Variants in CPA6 observed in about 807,000 individuals in gnomAD.
The protein encoded by CPA6 is carboxypeptidase B.
CPA6 carries 58 observed loss-of-function variants against 63.3 expected under a neutral mutation model. The observed-to-expected ratio is 0.92, with a 90% CI of 0.74 to 1.14. The LOEUF (loss-of-function observed/expected upper bound fraction) is 1.14. Ranked by LOEUF, CPA6 falls within the 50% of genes most tolerant of loss-of-function variation. The probability of loss-of-function intolerance (pLI) is 0.00; values close to 1 mark genes in which losing one functional copy is unlikely to be tolerated. For synonymous variants in CPA6, 185 were observed against 179.0 expected, an observed-to-expected ratio of 1.03 and a Z score of -0.27; for missense variants, 565 against 526.6, an observed-to-expected ratio of 1.07 and a Z score of -0.71.
chr8:67,583,037 G>A (rs187131085), intron 2 of CPA6, among the ~76,000 whole-genome samples: 135 of 152,188 alleles, frequency 8.9e-4, no homozygotes, highest in African/African-American at 3.0e-3. Context: ...TTGATATCTG[G>A]GTGGCTTTAT....
intron 8 of CPA6, among the ~76,000 whole-genome samples, chr8:67,445,862 A>G (rs1438157139): frequency 6.6e-6 from 1 of 152,278 alleles, no homozygotes; most frequent in African/African-American, 2.4e-5. Flanking sequence ...AATTCAAAAA[A>G]TACATGGAAA....
intron 1 of CPA6, among the ~76,000 whole-genome samples, chr8:67,741,435 T>C (rs1817910645): frequency 6.6e-6 from 1 of 151,970 alleles, no homozygotes; most frequent in Non-Finnish European, 1.5e-5. Context: ...ACAGCAGGGG[T>C]CCCAAAACTC....
chr8:67,678,374 A>C lies in CPA6; in HGVS notation c.117-54123T>G, dbSNP rs189052575. On this transcript the variant is annotated intron_variant, in intron 1 of 10. Transcript: ENST00000297770. ...TACAAATTATAATTACAATTATATAACATATATCCAACGAGGCCTGATATC... is the reference window on the plus strand; with the variant it reads ...TACAAATTATAATTACAATTATATACCATATATCCAACGAGGCCTGATATC... Among the ~76,000 whole-genome samples, 312 of 152,320 alleles carry C rather than the reference A, an allele frequency of 2.0e-3. 1 individual carries two copies. Among genetic ancestry groups the C allele is most frequent in the African/African-American group, 7.3e-3 (303 of 41,580 alleles).
intron 2 of CPA6, among the ~76,000 whole-genome samples, chr8:67,608,050 G>A (rs1056144261): frequency 8.5e-5 from 13 of 152,120 alleles, no homozygotes; most frequent in African/African-American, 3.1e-4. Flanking sequence ...TGTTTTTACT[G>A]TTATCCAGGC....
intron 8 of CPA6, among the ~76,000 whole-genome samples, chr8:67,451,969 T>C (rs549033594): frequency 6.6e-6 from 1 of 152,330 alleles, no homozygotes; most frequent in African/African-American, 2.4e-5. Context: ...TTTGTGTACA[T>C]AGGTACAAAT....
chr8:67,542,987 TTTAG>T (rs2128971212), intron 2 of CPA6, among the ~76,000 whole-genome samples: 1 of 152,334 alleles, frequency 6.6e-6, no homozygotes, highest in East Asian at 1.9e-4. Flanking sequence ...ATATTAATTA[TTTAG>T]TATTTGTAGT....
At chr8:67,682,973 T>A (rs151010859) in intron 1 of CPA6, among the ~76,000 whole-genome samples, 2 of 152,358 alleles carry the variant, frequency 1.3e-5, no homozygotes, top group African/African-American at 4.8e-5. Flanking sequence ...CCCCTGCAGA[T>A]CTGCAGAATA....
intron 1 of CPA6, among the ~76,000 whole-genome samples, chr8:67,675,883 C>T (rs907283659): frequency 6.6e-6 from 1 of 152,212 alleles, no homozygotes; most frequent in Non-Finnish European, 1.5e-5. Flanking sequence ...TTGCCCAGCA[C>T]AGGCTGGAGT....
At chr8:67,650,338 T>G (rs1815807607) in intron 1 of CPA6, among the ~76,000 whole-genome samples, 1 of 152,070 alleles carries the variant, frequency 6.6e-6, no homozygotes, top group Non-Finnish European at 1.5e-5. Context: ...CAGCAGTAGG[T>G]CAGCGGGGTT....
intron 2 of CPA6, among the ~76,000 whole-genome samples, chr8:67,528,957 G>C (rs1453010273): frequency 6.6e-6 from 1 of 150,920 alleles, no homozygotes; most frequent in Non-Finnish European, 1.5e-5. Flanking sequence ...AAGGATTATT[G>C]CAAGAGTGGA....
chr8:67,689,940 G>C (rs1816782602), intron 1 of CPA6, among the ~76,000 whole-genome samples: 1 of 152,060 alleles, frequency 6.6e-6, no homozygotes, highest in South Asian at 2.1e-4. Context: ...AACATCTGTT[G>C]GTTTTTCACT....
chr8:67,696,673 A>T (rs987792060), intron 1 of CPA6, among the ~76,000 whole-genome samples: 1 of 152,162 alleles, frequency 6.6e-6, no homozygotes, highest in Non-Finnish European at 1.5e-5. Flanking sequence ...ATGGAATACC[A>T]CTCAGCAATA....
intron 2 of CPA6, among the ~76,000 whole-genome samples, chr8:67,569,183 A>G (rs1485847593): frequency 6.6e-6 from 1 of 152,244 alleles, no homozygotes; most frequent in Admixed American, 6.5e-5. Context: ...ATATATAATA[A>G]TCAAACTGTC....
chr8:67,679,624 G>A (rs1816550060), intron 1 of CPA6, among the ~76,000 whole-genome samples: 1 of 152,180 alleles, frequency 6.6e-6, no homozygotes, highest in African/African-American at 2.4e-5. Context: ...TAGTCAAGCT[G>A]TATAATCATC....
chr8:67,547,806 G>A (rs1483671416), intron 2 of CPA6, among the ~76,000 whole-genome samples: 1 of 152,070 alleles, frequency 6.6e-6, no homozygotes, highest in Non-Finnish European at 1.5e-5. Context: ...ACGAATTATA[G>A]TCTTATACAT....
intron 1 of CPA6, among the ~76,000 whole-genome samples, chr8:67,695,519 C>T (rs1444971518): frequency 6.6e-6 from 1 of 152,220 alleles, no homozygotes; most frequent in African/African-American, 2.4e-5. Flanking sequence ...AAACTACCAT[C>T]CTTGGACTTA....
chr8:67,701,038 A>G (rs557429646), intron 1 of CPA6, among the ~76,000 whole-genome samples: 21 of 152,300 alleles, frequency 1.4e-4, no homozygotes, highest in Non-Finnish European at 1.6e-4. Context: ...GATAGATACA[A>G]TCGTTTCCTC....
At position 67,516,997 on chromosome 8, in the gene CPA6, A is replaced by G. The variant is rs111475005; in HGVS notation, c.317+926T>C. Among the ~76,000 whole-genome samples, 1,254 of 152,170 alleles carry G rather than the reference A, an allele frequency of 8.2e-3. 18 individuals are homozygous for G. Among genetic ancestry groups the G allele is most frequent in the African/African-American group, 0.029 (1,202 of 41,516 alleles). On this transcript the variant is annotated intron_variant, in intron 3 of 10. Transcript: ENST00000297770. The stretch of plus-strand genomic sequence containing the variant: ...TTTTTAGTAGAGACAGGGTTTCACC[A>G]TGTGGAACATCCTGGTCTTGAACTC...
At chr8:67,438,473 T>C (rs901374134) in intron 8 of CPA6, among the ~76,000 whole-genome samples, 1 of 152,196 alleles carries the variant, frequency 6.6e-6, no homozygotes, top group African/African-American at 2.4e-5. Flanking sequence ...TATATCTAGC[T>C]GAATTCCCAT....
Sources: gnomAD v4.1 joint callset for allele counts (sites outside exome capture counted in the v4.1 genomes callset) on GRCh38, gnomAD v4.1.1 for gene constraint, MANE v1.5 for transcripts, NCBI Gene and HGNC (gene_info 2026-07-23, HGNC 2026-07-21) for gene names.